The following LRIG1 variants were observed in gnomAD, a reference collection of about 807,000 sequenced individuals.
The protein encoded by LRIG1 is leucine-rich repeats and immunoglobulin-like domains protein 1.
In LRIG1, 48 loss-of-function variants were observed where a neutral mutation model predicts 99.2. The observed-to-expected ratio is 0.48, with a 90% CI of 0.38 to 0.62. The LOEUF (loss-of-function observed/expected upper bound fraction) is 0.62, where lower values mean the gene tolerates loss of function less well. Ranked by LOEUF, LRIG1 falls within the 20% of genes least tolerant of loss-of-function variation. LRIG1 has a pLI of 0.00. For synonymous variants in LRIG1, 772 were observed against 596.1 expected (o/e 1.29, Z -4.30); for missense variants, 1,646 against 1,434.4 (o/e 1.15, Z -2.38).
chr3:66,454,684 AG>A (rs1700170477), intron 2 of LRIG1, among the ~76,000 whole-genome samples: 1 of 152,176 alleles, frequency 6.6e-6, no homozygotes, highest in South Asian at 2.1e-4. Context: ...GGGCTAGAGA[AG>A]GTGTAGCTAA....
intron 3 of LRIG1, among the ~76,000 whole-genome samples, chr3:66,418,314 C>T (rs1040063576): frequency 3.3e-5 from 5 of 152,140 alleles, no homozygotes; most frequent in Admixed American, 6.5e-5. Context: ...AGGATGGTCT[C>T]GATCTCCTGA....
intron 1 of LRIG1, among the ~76,000 whole-genome samples, chr3:66,472,440 C>T (rs1696349391): frequency 6.6e-6 from 1 of 152,058 alleles, no homozygotes; most frequent in Non-Finnish European, 1.5e-5. Flanking sequence ...CAGTCACCAC[C>T]CGTAAGTGAT....
intron 7 of LRIG1, among the ~76,000 whole-genome samples, chr3:66,408,747 G>C (rs1702362733): frequency 6.6e-6 from 1 of 152,070 alleles, no homozygotes; most frequent in Non-Finnish European, 1.5e-5. Context: ...AGCCTGAAAG[G>C]AGCCATCCAG....
chr3:66,470,723 G>A (rs1468644977), intron 1 of LRIG1, among the ~76,000 whole-genome samples: 3 of 152,154 alleles, frequency 2.0e-5, no homozygotes, highest in Non-Finnish European at 1.5e-5. Context: ...TTCTGAACTA[G>A]ATAATCAAGA....
chr3:66,431,843 T>C (rs1264554592), intron 3 of LRIG1, among the ~76,000 whole-genome samples: 1 of 152,140 alleles, frequency 6.6e-6, no homozygotes, highest in Non-Finnish European at 1.5e-5. Flanking sequence ...AGACTGTCCA[T>C]GCCACCATGC....
chr3:66,485,432 C>A (rs1410906924), intron 1 of LRIG1, among the ~76,000 whole-genome samples: 1 of 152,106 alleles, frequency 6.6e-6, no homozygotes, highest in Admixed American at 6.5e-5. Context: ...GCGTTAACAC[C>A]AGGGCCTTAT....
chr3:66,445,276 T>G (rs981153572), intron 3 of LRIG1, among the ~76,000 whole-genome samples: 7 of 149,190 alleles, frequency 4.7e-5, no homozygotes, highest in African/African-American at 9.8e-5. Context: ...AAAGTAAGGT[T>G]TTTTTTTTTT....
intron 9 of LRIG1, among the ~76,000 whole-genome samples, chr3:66,399,362 C>G (rs1370678260): frequency 6.6e-6 from 1 of 152,248 alleles, no homozygotes; most frequent in Non-Finnish European, 1.5e-5. Flanking sequence ...CCCAGTCTCT[C>G]TCCAAGGACC....
intron 3 of LRIG1, among the ~76,000 whole-genome samples, chr3:66,424,095 A>C (rs966697593): frequency 2.6e-5 from 4 of 152,182 alleles, no homozygotes; most frequent in African/African-American, 9.7e-5. Context: ...AGCATAAAAG[A>C]AGCCTGCTCC....
intron 7 of LRIG1, 53 bp from the exon 8 acceptor site, chr3:66,407,544 C>G: frequency 6.3e-7 from 1 of 1,598,156 alleles, no homozygotes; most frequent in African/African-American, 1.3e-5. Flanking sequence ...GCCCCCCAAC[C>G]CCACCCCACC....
chr3:66,412,345 G>A (rs183431695), intron 6 of LRIG1, among the ~76,000 whole-genome samples: 228 of 152,300 alleles, frequency 1.5e-3, no homozygotes, highest in Non-Finnish European at 2.5e-3. Flanking sequence ...GGTCTGTTCC[G>A]CAGCCCCACG....
chr3:66,455,411 G>A (rs1023186572), intron 2 of LRIG1, among the ~76,000 whole-genome samples: 1 of 152,234 alleles, frequency 6.6e-6, no homozygotes, highest in African/African-American at 2.4e-5. Flanking sequence ...CTAGAGATGT[G>A]TATGTGTTTT....
At chr3:66,465,061 C>G (rs578047430) in intron 1 of LRIG1, among the ~76,000 whole-genome samples, 22 of 152,090 alleles carry the variant, frequency 1.4e-4, no homozygotes, top group Non-Finnish European at 2.8e-4. Context: ...TATCAACATT[C>G]AAGTGTTAGG....
chr3:66,490,012 G>A (rs1192468550), intron 1 of LRIG1, among the ~76,000 whole-genome samples: 1 of 152,242 alleles, frequency 6.6e-6, no homozygotes, highest in East Asian at 1.9e-4. Context: ...AATAAGGTCA[G>A]CCAATCTTTA....
chr3:66,476,600 G>T (rs1414202474), intron 1 of LRIG1, among the ~76,000 whole-genome samples: 3 of 152,164 alleles, frequency 2.0e-5, no homozygotes, highest in African/African-American at 7.2e-5. Flanking sequence ...AGTCAAATCT[G>T]CTGGCCTCTT....
Position 66,414,924 on chromosome 3 carries a change from G to C in LRIG1, c.643C>G (p.Gln215Glu). ...AGTGTAGGTTTCTGTACTCACAGTTGTGTCAGCCTGGGTAGCTTGAATGCT... is the reference window on the plus strand; with the variant it reads ...AGTGTAGGTTTCTGTACTCACAGTTCTGTCAGCCTGGGTAGCTTGAATGCT... ...VRAFKLPRLT[Q>E]LDLNRNRIRL... The change falls in exon 5 of 19, where the codon CAA (glutamine) becomes GAA (glutamate). Residue 215 changes from glutamine (Q) to glutamate (E), a missense_variant. Coordinates refer to ENST00000273261, the MANE Select transcript of LRIG1 (RefSeq NM_015541.3). 1 of 1,599,062 alleles carries C rather than the reference G, an allele frequency of 6.3e-7. No homozygotes were observed. The highest frequency in any genetic ancestry group is 8.5e-7 in the Non-Finnish European group (1 of 1,174,142).
intron 3 of LRIG1, among the ~76,000 whole-genome samples, chr3:66,445,463 A>G (rs1278594229): frequency 1.3e-5 from 2 of 152,148 alleles, no homozygotes; most frequent in Non-Finnish European, 2.9e-5. Context: ...TGGAGGGACC[A>G]GCAGATAATT....
intron 4 of LRIG1, among the ~76,000 whole-genome samples, chr3:66,416,568 G>A (rs980501588): frequency 2.3e-4 from 35 of 152,182 alleles, no homozygotes; most frequent in South Asian, 4.1e-4. Context: ...TCCATTGTGT[G>A]TGAGATGGGA....
intron 1 of LRIG1, among the ~76,000 whole-genome samples, chr3:66,486,039 A>C (rs1449115966): frequency 6.6e-6 from 1 of 152,230 alleles, no homozygotes; most frequent in Non-Finnish European, 1.5e-5. Context: ...GCTAGACTCT[A>C]AACAAGTCAT....
Sources: gnomAD v4.1 joint callset for allele counts (sites outside exome capture counted in the v4.1 genomes callset) on GRCh38, gnomAD v4.1.1 for gene constraint, MANE v1.5 for transcripts, NCBI Gene and HGNC (gene_info 2026-07-23, HGNC 2026-07-21) for gene names.